Variants in RAB18 observed in about 807,000 individuals in gnomAD.
RAB18 encodes ras-related protein Rab-18.
RAB18 carries 10 observed loss-of-function variants against 28.5 expected under a neutral mutation model. The observed-to-expected ratio is 0.35, with a 90% CI of 0.22 to 0.60. RAB18 has a LOEUF of 0.60. Ranked by LOEUF, RAB18 falls within the 20% of genes least tolerant of loss-of-function variation. The pLI is 0.78. For missense variants in RAB18, 188 were observed against 244.2 expected, an observed-to-expected ratio of 0.77 and a Z score of 1.53; for synonymous variants, 93 against 86.9, an observed-to-expected ratio of 1.07 and a Z score of -0.39.
intron 2 of RAB18, among the ~76,000 whole-genome samples, chr10:27,515,875 A>G (rs577751654): frequency 6.6e-6 from 1 of 152,182 alleles, no homozygotes; most frequent in Non-Finnish European, 1.5e-5. Flanking sequence ...CTATTCTTAG[A>G]ATAGTCTTGG....
chr10:27,512,934 A>C (rs909782687), intron 2 of RAB18, among the ~76,000 whole-genome samples: 52 of 151,732 alleles, frequency 3.4e-4, no homozygotes, highest in Admixed American at 1.4e-3. Flanking sequence ...TTGTTCCCCA[A>C]ATAGGCCCTA....
chr10:27,506,332 G>T (rs1041736315), intron 1 of RAB18, among the ~76,000 whole-genome samples: 1 of 151,880 alleles, frequency 6.6e-6, no homozygotes, highest in African/African-American at 2.4e-5. Context: ...TCTACCCGCT[G>T]TTTTTTTGAG....
intron 4 of RAB18, 96 bp downstream of exon 4, chr10:27,532,675 G>A (rs562715574): frequency 4.9e-5 from 44 of 900,432 alleles, no homozygotes; most frequent in South Asian, 3.1e-4. Flanking sequence ...TTTACTTCTC[G>A]TTAGAGCTAC....
At chr10:27,529,190 T>G (rs1834739528) in intron 3 of RAB18, among the ~76,000 whole-genome samples, 1 of 151,866 alleles carries the variant, frequency 6.6e-6, no homozygotes, top group Admixed American at 6.6e-5. Flanking sequence ...TTTTTTCCAG[T>G]TTGTCATTTA....
chr10:27,541,849 C>T lies in RAB18; in HGVS notation c.*3798C>T, dbSNP rs1177302634. 1.7e-5 allele frequency: 6 copies of T among 354,172 alleles called. No individual in the cohort carries two copies. Among genetic ancestry groups the T allele is most frequent in the Non-Finnish European group, 2.8e-5 (5 of 177,764 alleles). The allele number at this position is 354,172 out of a possible 1,614,324, so 21.9% of individuals were successfully genotyped here. A position where few individuals can be genotyped will look rare whatever the true frequency, so the allele number is the denominator to read the frequency against. ...CCACCCCCACCCCCACCCCTGCAAA[C>T]AATTGGCATGTGGTTTGGGTGGCAT... On this transcript the variant is annotated 3_prime_UTR_variant, in exon 7 of 7. Transcript: ENST00000356940.
At chr10:27,531,710 C>T in intron 3 of RAB18, 2 of 679,142 alleles carry the variant, frequency 2.9e-6, no homozygotes, top group Non-Finnish European at 2.7e-6. Flanking sequence ...TACCTTGAAT[C>T]CATAGTCCAA....
chr10:27,520,307 T>C (rs977566690), intron 2 of RAB18, among the ~76,000 whole-genome samples: 1 of 152,286 alleles, frequency 6.6e-6, no homozygotes, highest in Non-Finnish European at 1.5e-5. Flanking sequence ...TCCTTTTTTT[T>C]CTGTAAAATT....
intron 2 of RAB18, among the ~76,000 whole-genome samples, chr10:27,515,082 C>T (rs997348006): frequency 6.6e-6 from 1 of 152,020 alleles, no homozygotes; most frequent in Non-Finnish European, 1.5e-5. Context: ...ATATCTCGAC[C>T]AGTTTTTTTG....
chr10:27,530,243 C>T lies in RAB18; in HGVS notation c.187-2264C>T, dbSNP rs139365764. Among the ~76,000 whole-genome samples the T allele has an allele frequency of 5.7e-4, 87 of 152,066 alleles. 3 individuals are homozygous for T. The East Asian group carries it at 0.016, about 29-fold the overall frequency. On this transcript the variant is annotated intron_variant, in intron 3 of 6. Transcript: ENST00000356940. ...AAAATATTTCATACTTGGTCCTTGC[C>T]TCAAACTATTTGTTATGAATATAGA...
At chr10:27,522,197 C>A (rs1313124085) in intron 2 of RAB18, among the ~76,000 whole-genome samples, 1 of 152,040 alleles carries the variant, frequency 6.6e-6, no homozygotes, top group East Asian at 1.9e-4. Flanking sequence ...CACTATTTTT[C>A]CATTTAATTC....
Position 27,538,150 on chromosome 10 carries a change from C to A in RAB18, c.*99C>A, listed in dbSNP as rs767920219. 6.8e-7 allele frequency: 1 copy of A among 1,477,760 alleles called. No individual in the cohort carries two copies. The highest frequency in any genetic ancestry group is 1.7e-5 in the Admixed American group (1 of 58,186). 91.5% of individuals were successfully genotyped at this position (1,477,760 alleles called of 1,614,324 possible). ...TATTTTAGGGACCTTGCAGTTTGCA[C>A]ATAATTGTTTTATATCATAGCAGTA... On this transcript the variant is annotated 3_prime_UTR_variant, in exon 7 of 7. Coordinates refer to ENST00000356940, the MANE Select transcript of RAB18 (RefSeq NM_021252.5).
At chr10:27,531,647 A>C (rs1156455717) in intron 3 of RAB18, 1 of 745,538 alleles carries the variant, frequency 1.3e-6, no homozygotes, top group South Asian at 1.5e-5. Context: ...GTTTCAATAA[A>C]ACTTTATTTA....
chr10:27,518,652 AT>A (rs1195815397), intron 2 of RAB18, among the ~76,000 whole-genome samples: 19 of 152,040 alleles, frequency 1.2e-4, no homozygotes, highest in Admixed American at 4.6e-4. Context: ...TTTAAAATAT[AT>A]TCTGCATTTA....
intron 4 of RAB18, 109 bp downstream of exon 4, chr10:27,532,688 T>C: frequency 2.5e-6 from 2 of 802,024 alleles, no homozygotes; most frequent in Admixed American, 4.2e-5. Context: ...AGAGCTACTT[T>C]TATGTAACTT....
chr10:27,508,311 A>T (rs189111860), intron 1 of RAB18, among the ~76,000 whole-genome samples: 10 of 152,362 alleles, frequency 6.6e-5, no homozygotes, highest in Admixed American at 6.5e-4. Context: ...CCATTTAAGG[A>T]TTAGCAATTA....
intron 2 of RAB18, chr10:27,510,163 T>C (rs1257584092): frequency 9.0e-6 from 5 of 556,396 alleles, no homozygotes; most frequent in Non-Finnish European, 1.6e-5. Flanking sequence ...TTATTAAAAC[T>C]GCTAATGTGA....
chr10:27,524,287 T>C (rs1184895821), intron 2 of RAB18, among the ~76,000 whole-genome samples: 1 of 152,156 alleles, frequency 6.6e-6, no homozygotes, highest in Non-Finnish European at 1.5e-5. Flanking sequence ...ATGTCTACTT[T>C]TTGAACATGT....
chr10:27,510,598 A>AACT (rs1438988669), intron 2 of RAB18: 1 of 152,628 alleles, frequency 6.6e-6, no homozygotes, highest in Non-Finnish European at 1.5e-5. Context: ...GAATAGTTGA[A>AACT]AGGTAGCTGA....
intron 2 of RAB18, 128 bp from the exon 3 acceptor site, chr10:27,526,700 A>G: frequency 9.1e-7 from 1 of 1,096,550 alleles, no homozygotes; most frequent in Non-Finnish European, 1.4e-6. Context: ...CACATCCAGA[A>G]TTCTAAGAAG....
Sources: gnomAD v4.1 joint callset for allele counts (sites outside exome capture counted in the v4.1 genomes callset) on GRCh38, gnomAD v4.1.1 for gene constraint, MANE v1.5 for transcripts, NCBI Gene and HGNC (gene_info 2026-07-23, HGNC 2026-07-21) for gene names.